Variants in SPOCK1 observed in about 807,000 individuals in gnomAD.
SPOCK1 encodes testican-1.
A neutral mutation model predicts 55.3 loss-of-function variants in SPOCK1; 23 were observed. That is an observed-to-expected ratio of 0.42 (90% confidence interval 0.30 to 0.59). SPOCK1 has a LOEUF of 0.59. Among genes scored for constraint, SPOCK1 ranks in the 20% least tolerant of loss-of-function variants. The pLI is 0.22. For synonymous variants in SPOCK1, 226 were observed against 221.0 expected (o/e 1.02, Z -0.20); for missense variants, 499 against 552.5 (o/e 0.90, Z 0.97).
chr5:137,117,502 T>TA lies in SPOCK1; in HGVS notation c.348-4942dup, dbSNP rs138669706. On this transcript the variant is annotated intron_variant, in intron 4 of 10. Coordinates refer to ENST00000394945, the MANE Select transcript of SPOCK1 (RefSeq NM_004598.4). ...CTCCTTAAGAGAGGTGACTGGGCCT[T>TA]AATCATGTTTGTGCTTCTGGTACTT... Among the ~76,000 whole-genome samples the TA allele has an allele frequency of 5.6e-3, 858 of 152,346 alleles. 7 individuals are homozygous for TA. The highest frequency in any genetic ancestry group is 0.02 in the African/African-American group (825 of 41,566).
At chr5:137,137,976 A>C (rs181222155) in intron 4 of SPOCK1, among the ~76,000 whole-genome samples, 1 of 152,318 alleles carries the variant, frequency 6.6e-6, no homozygotes, top group Non-Finnish European at 1.5e-5. Context: ...ACACACACAC[A>C]CACACAAAAT....
chr5:137,461,608 G>A (rs1753490900), intron 2 of SPOCK1, among the ~76,000 whole-genome samples: 1 of 152,180 alleles, frequency 6.6e-6, no homozygotes, highest in African/African-American at 2.4e-5. Flanking sequence ...GGAAAGCTTA[G>A]GCTGCAAGTC....
intron 2 of SPOCK1, among the ~76,000 whole-genome samples, chr5:137,310,711 T>C (rs1332376426): frequency 2.0e-5 from 3 of 152,226 alleles, no homozygotes; most frequent in Non-Finnish European, 1.5e-5. Context: ...CAATGGAGGA[T>C]GGACCTCATC....
chr5:137,189,227 T>C (rs181242845), intron 3 of SPOCK1, among the ~76,000 whole-genome samples: 1 of 152,356 alleles, frequency 6.6e-6, no homozygotes. Flanking sequence ...CAGCAGATTT[T>C]CAATGCAGGC....
intron 2 of SPOCK1, among the ~76,000 whole-genome samples, chr5:137,465,356 A>T (rs1357721631): frequency 6.6e-6 from 1 of 152,194 alleles, no homozygotes; most frequent in East Asian, 1.9e-4. Flanking sequence ...ATGACAGCTG[A>T]ACACCATGGG....
intron 3 of SPOCK1, among the ~76,000 whole-genome samples, chr5:137,182,678 G>A (rs969840838): frequency 6.6e-6 from 1 of 152,108 alleles, no homozygotes; most frequent in African/African-American, 2.4e-5. Context: ...AACTCCTTGA[G>A]GGCAGAGATG....
chr5:137,266,502 C>T (rs1361748329), intron 3 of SPOCK1, among the ~76,000 whole-genome samples: 2 of 152,150 alleles, frequency 1.3e-5, no homozygotes, highest in Non-Finnish European at 2.9e-5. Flanking sequence ...CATGCTTAAA[C>T]CCAAGTAGTC....
chr5:137,172,122 A>G (rs1754765437), intron 3 of SPOCK1, among the ~76,000 whole-genome samples: 1 of 152,194 alleles, frequency 6.6e-6, no homozygotes, highest in Non-Finnish European at 1.5e-5. Flanking sequence ...CCTGGCCCTC[A>G]ACACCCAACT....
chr5:137,004,171 A>C (rs1751200243), intron 6 of SPOCK1, among the ~76,000 whole-genome samples: 1 of 152,144 alleles, frequency 6.6e-6, no homozygotes, highest in African/African-American at 2.4e-5. Flanking sequence ...GGAGTTGAAA[A>C]TTCCCACTTG....
intron 3 of SPOCK1, among the ~76,000 whole-genome samples, chr5:137,254,491 T>C (rs1441327987): frequency 6.6e-6 from 1 of 152,218 alleles, no homozygotes; most frequent in Non-Finnish European, 1.5e-5. Context: ...GAGAATTTTA[T>C]AATGACAAGA....
chr5:137,238,683 C>T (rs562910296), intron 3 of SPOCK1, among the ~76,000 whole-genome samples: 1 of 152,170 alleles, frequency 6.6e-6, no homozygotes. Flanking sequence ...AGGTACTGAG[C>T]AAAATTCACC....
intron 3 of SPOCK1, among the ~76,000 whole-genome samples, chr5:137,195,573 C>T (rs78649012): frequency 0.014 from 2,158 of 152,304 alleles, 51 homozygotes; most frequent in African/African-American, 0.049. Flanking sequence ...TTAGGCATGA[C>T]GGCCACCCTA....
At chr5:137,164,772 GC>G (rs560735497) in intron 3 of SPOCK1, among the ~76,000 whole-genome samples, 2 of 152,306 alleles carry the variant, frequency 1.3e-5, no homozygotes, top group South Asian at 4.1e-4. Context: ...ATCAACGGTA[GC>G]CTGGCAGTAC....
At chr5:137,210,761 C>G (rs1489645363) in intron 3 of SPOCK1, among the ~76,000 whole-genome samples, 2 of 152,204 alleles carry the variant, frequency 1.3e-5, no homozygotes, top group Non-Finnish European at 2.9e-5. Context: ...CTCCACTGCA[C>G]AGCTCTCATC....
At chr5:137,260,723 T>C (rs2916635) in intron 3 of SPOCK1, among the ~76,000 whole-genome samples, 124,437 of 152,208 alleles carry the variant, frequency 0.82, 51,083 homozygotes, top group African/African-American at 0.89. Flanking sequence ...AGTAGGAGCA[T>C]ACTAATATTT....
intron 3 of SPOCK1, among the ~76,000 whole-genome samples, chr5:137,142,322 C>T (rs1754115912): frequency 6.6e-6 from 1 of 152,342 alleles, no homozygotes; most frequent in Middle Eastern, 3.4e-3. Context: ...TCTCCTCCTG[C>T]CCAGGCCCAG....
Position 137,388,002 on chromosome 5 carries a change from G to T in SPOCK1, c.186+110371C>A, listed in dbSNP as rs539425610. Among the ~76,000 whole-genome samples, 4 of 152,002 alleles carry T rather than the reference G, an allele frequency of 2.6e-5. No homozygotes were observed. In the South Asian group the frequency reaches 6.2e-4, roughly 24 times the overall value. On this transcript the variant is annotated intron_variant, in intron 2 of 10. Coordinates refer to ENST00000394945, the MANE Select transcript of SPOCK1 (RefSeq NM_004598.4). ...GAAAAAGTCACAGAGAGAAGGGACA[G>T]TGCTGAGAATAGAATCCAGGTTTCC...
intron 5 of SPOCK1, among the ~76,000 whole-genome samples, chr5:137,074,092 G>A (rs1752679030): frequency 6.6e-6 from 1 of 152,120 alleles, no homozygotes. Context: ...CCAAAATTGA[G>A]GACATTTTAT....
At chr5:137,099,491 C>G (rs1753218033) in intron 5 of SPOCK1, among the ~76,000 whole-genome samples, 2 of 152,072 alleles carry the variant, frequency 1.3e-5, no homozygotes, top group South Asian at 4.1e-4. Context: ...GGGATCTTTT[C>G]TCTCTCTAAC....
Sources: allele counts gnomAD v4.1 joint callset (sites outside exome capture counted in the v4.1 genomes callset), GRCh38; gene constraint gnomAD v4.1.1; transcripts MANE v1.5; gene names NCBI Gene and HGNC (gene_info 2026-07-23, HGNC 2026-07-21).